Variants in PDE4D observed in about 807,000 individuals in gnomAD.
PDE4D encodes 3',5'-cyclic-AMP phosphodiesterase 4D.
A neutral mutation model predicts 87.4 loss-of-function variants in PDE4D; 24 were observed. The ratio of observed to expected loss-of-function variants is 0.27; its 90% CI spans 0.20 to 0.39. The LOEUF is 0.39. Ranked by LOEUF, PDE4D falls within the 10% of genes least tolerant of loss-of-function variation. The probability of loss-of-function intolerance (pLI) is 1.00; values close to 1 mark genes in which losing one functional copy is unlikely to be tolerated. For synonymous variants in PDE4D, 384 were observed against 383.2 expected, an observed-to-expected ratio of 1.00 and a Z score of -0.02; for missense variants, 714 against 1,041.0, an observed-to-expected ratio of 0.69 and a Z score of 4.32.
chr5:60,161,514 C>A (rs1483372236), intron 2 of PDE4D, among the ~76,000 whole-genome samples: 5 of 152,086 alleles, frequency 3.3e-5, no homozygotes, highest in Non-Finnish European at 1.5e-5. Context: ...TGAAAACGGT[C>A]TTCCTACTCT....
chr5:59,690,882 A>T (rs1333936310), intron 1 of PDE4D, among the ~76,000 whole-genome samples: 1 of 152,184 alleles, frequency 6.6e-6, no homozygotes, highest in Non-Finnish European at 1.5e-5. Context: ...AGAAAAAATC[A>T]AACAACCACA....
chr5:59,670,130 C>T (rs17381695), intron 1 of PDE4D, among the ~76,000 whole-genome samples: 26,695 of 152,044 alleles, frequency 0.18, 3,093 homozygotes, highest in South Asian at 0.26. Flanking sequence ...GACTAGATTA[C>T]TTGTTTCTCA....
At chr5:60,078,017 C>G (rs545190233) in intron 2 of PDE4D, among the ~76,000 whole-genome samples, 1 of 152,292 alleles carries the variant, frequency 6.6e-6, no homozygotes, top group South Asian at 2.1e-4. Flanking sequence ...CTGTGAAGAT[C>G]TGCTAGGAGT....
chr5:59,198,782 C>G (rs1375712826), intron 2 of PDE4D, among the ~76,000 whole-genome samples: 2 of 152,058 alleles, frequency 1.3e-5, no homozygotes, highest in African/African-American at 4.8e-5. Flanking sequence ...TATTTTCTAC[C>G]CTTTTTCTTT....
intron 1 of PDE4D, among the ~76,000 whole-genome samples, chr5:60,421,154 C>T (rs1174744314): frequency 6.6e-6 from 1 of 152,222 alleles, no homozygotes; most frequent in East Asian, 1.9e-4. Context: ...CTTAAACATC[C>T]CTGTCTGACA....
In PDE4D at chr5:60,039,432, T is replaced by G. The variant is rs530210183; in HGVS notation, c.43-50715A>C. 8.6e-5 allele frequency among the ~76,000 whole-genome samples: 12 copies of G among 139,576 alleles called. 1 individual carries two copies. The East Asian group carries it at 2.4e-3, about 28-fold the overall frequency. 91.6% of individuals were successfully genotyped at this position (139,576 alleles called of 152,430 possible). ...GGGGAACATCACACACTGGGGACTG[T>G]TGTGGGGTGGTGGGAGGGGGGAGGG... On this transcript the variant is annotated intron_variant, in intron 2 of 16. Coordinates refer to the PDE4D transcript ENST00000502484.
At chr5:59,460,643 A>T (rs1287084208) in intron 1 of PDE4D, among the ~76,000 whole-genome samples, 2 of 152,190 alleles carry the variant, frequency 1.3e-5, no homozygotes, top group Non-Finnish European at 2.9e-5. Flanking sequence ...GCTTCCAAGA[A>T]GACGGGTGAC....
At chr5:60,430,894 G>A (rs1744201757) in intron 1 of PDE4D, 1 of 240,238 alleles carries the variant, frequency 4.2e-6, no homozygotes, top group African/African-American at 2.4e-5. Flanking sequence ...CAAGGCAGAA[G>A]AATTTTTCTT....
At chr5:59,816,312 A>G (rs1386483853) in intron 1 of PDE4D, among the ~76,000 whole-genome samples, 4 of 152,250 alleles carry the variant, frequency 2.6e-5, no homozygotes, top group African/African-American at 9.6e-5. Flanking sequence ...CTCACTATAT[A>G]TAAACCTGAT....
intron 1 of PDE4D, among the ~76,000 whole-genome samples, chr5:59,404,678 A>G (rs1300083170): frequency 6.6e-6 from 1 of 151,528 alleles, no homozygotes; most frequent in African/African-American, 2.4e-5. Context: ...AAAAAAAAAA[A>G]AAATCTTTGC....
At chr5:59,848,543 C>T (rs911168099) in intron 1 of PDE4D, among the ~76,000 whole-genome samples, 13 of 151,544 alleles carry the variant, frequency 8.6e-5, no homozygotes, top group East Asian at 5.8e-4. Context: ...CTTTCTAATG[C>T]GATTAAATGC....
intron 1 of PDE4D, among the ~76,000 whole-genome samples, chr5:59,892,777 CTCT>C (rs926988241): frequency 9.9e-5 from 15 of 152,086 alleles, no homozygotes; most frequent in Non-Finnish European, 5.9e-5. Context: ...CCTTCACCTT[CTCT>C]TCTTCTCCAC....
chr5:59,633,341 C>A (rs1831818323), intron 1 of PDE4D, among the ~76,000 whole-genome samples: 1 of 152,118 alleles, frequency 6.6e-6, no homozygotes, highest in Non-Finnish European at 1.5e-5. Context: ...AGAACTTCCC[C>A]AACCTAGCAA....
intron 1 of PDE4D, among the ~76,000 whole-genome samples, chr5:60,280,670 C>T (rs917296863): frequency 2.6e-5 from 4 of 152,092 alleles, no homozygotes; most frequent in African/African-American, 2.4e-5. Context: ...ACCCTCAGCA[C>T]CTGATGCCTG....
intron 1 of PDE4D, among the ~76,000 whole-genome samples, chr5:59,616,610 G>A (rs1412411922): frequency 6.6e-6 from 1 of 151,976 alleles, no homozygotes; most frequent in East Asian, 1.9e-4. Flanking sequence ...CCCTAGCGAT[G>A]CTCTCAAATG....
At chr5:59,232,762 A>T (rs1428681019) in intron 1 of PDE4D, among the ~76,000 whole-genome samples, 1 of 152,048 alleles carries the variant, frequency 6.6e-6, no homozygotes, top group Non-Finnish European at 1.5e-5. Context: ...TAGCTAAGAT[A>T]TGGAATCAAC....
chr5:59,461,065 A>G (rs1009253822), intron 1 of PDE4D, among the ~76,000 whole-genome samples: 1 of 152,178 alleles, frequency 6.6e-6, no homozygotes, highest in African/African-American at 2.4e-5. Flanking sequence ...AATTTACTTT[A>G]CCATTATGGG....
chr5:59,051,025 C>T (rs1391884868), intron 5 of PDE4D, among the ~76,000 whole-genome samples: 3 of 152,186 alleles, frequency 2.0e-5, no homozygotes, highest in African/African-American at 4.8e-5. Context: ...CACCATCAAC[C>T]CTCAAATATT....
At chr5:59,723,383 C>T (rs1756132537) in intron 1 of PDE4D, among the ~76,000 whole-genome samples, 1 of 152,038 alleles carries the variant, frequency 6.6e-6, no homozygotes, top group Non-Finnish European at 1.5e-5. Flanking sequence ...TGTGGTAAAA[C>T]TAAATGAGAC....
Sources: gnomAD v4.1 joint callset for allele counts (sites outside exome capture counted in the v4.1 genomes callset) on GRCh38, gnomAD v4.1.1 for gene constraint, MANE v1.5 for transcripts, NCBI Gene and HGNC (gene_info 2026-07-23, HGNC 2026-07-21) for gene names.